GYG1: variants seen among roughly 807,000 people sequenced by gnomAD.
The protein encoded by GYG1 is glycogenin-1.
GYG1 carries 44 observed loss-of-function variants against 41.9 expected under a neutral mutation model. The ratio of observed to expected loss-of-function variants is 1.05; its 90% CI spans 0.83 to 1.35. GYG1 has a LOEUF of 1.35. Ranked by LOEUF, GYG1 falls within the 40% of genes most tolerant of loss-of-function variation. The pLI is 0.00. For missense variants in GYG1, 429 were observed against 418.9 expected, an observed-to-expected ratio of 1.02 and a Z score of -0.21; for synonymous variants, 141 against 158.1, an observed-to-expected ratio of 0.89 and a Z score of 0.81.
At position 149,031,429 on chromosome 3, in the gene GYG1, T is replaced by C. The variant is rs1411046222; in HGVS notation, c.*4496T>C. The stretch of plus-strand genomic sequence containing the variant: ...TACATAAATAAAAATTATCTATTTA[T>C]AGAAATATCTATTTAGCAGTTCCAT... On this transcript the variant is annotated 3_prime_UTR_variant, in exon 8 of 8. Transcript: ENST00000345003. 6.6e-6 allele frequency: 1 copy of C among 152,618 alleles called. No individual in the cohort carries two copies. The highest frequency in any genetic ancestry group is 1.5e-5 in the Non-Finnish European group (1 of 68,018). The allele number at this position is 152,618 out of a possible 1,614,324, so 9.5% of individuals were successfully genotyped here.
At chr3:148,996,626 G>A in intron 3 of GYG1, 116 bp from the exon 4 acceptor site, 1 of 1,179,570 alleles carries the variant, frequency 8.5e-7, no homozygotes, top group East Asian at 2.3e-5. Context: ...AGGAGAGGAG[G>A]CCCAGGCTGC....
In GYG1 at chr3:149,009,262, T is replaced by A. The variant is rs1365158355; in HGVS notation, c.482-14T>A. 2 of 1,597,244 alleles carry A rather than the reference T, an allele frequency of 1.3e-6. No homozygotes were observed. The highest frequency in any genetic ancestry group is 1.3e-5 in the African/African-American group (1 of 74,558). On this transcript the variant is annotated splice_polypyrimidine_tract_variant and intron_variant, in intron 4 of 7. Transcript: ENST00000345003. ...AGAGATCTGTTAACTAATTTATATA[T>A]TTTTTTCTTTTAGGTGGGGACCAAG... is the stretch of plus-strand genomic sequence containing the variant.
rs538764210 is a variant in GYG1 at position 149,030,768 on chromosome 3, G to T, written c.*3835G>T. The stretch of plus-strand genomic sequence containing the variant: ...ATCAGCCCTTTCCTTACCTGCTACT[G>T]CCTCAAAAAGGGACCAGGAAGATTC... On this transcript the variant is annotated 3_prime_UTR_variant, in exon 8 of 8. Transcript: ENST00000345003. The T allele has an allele frequency of 2.6e-5, 4 of 152,222 alleles. No homozygotes were observed. In the South Asian group the frequency reaches 8.3e-4, roughly 32 times the overall value. 9.4% of individuals were successfully genotyped at this position (152,222 alleles called of 1,614,324 possible).
intron 4 of GYG1, among the ~76,000 whole-genome samples, chr3:149,005,722 T>C (rs1488829870): frequency 2.0e-5 from 3 of 152,212 alleles, no homozygotes; most frequent in African/African-American, 7.2e-5. Context: ...TAATTCCTGA[T>C]TGTATTTTGC....
At chr3:148,999,780 G>T (rs1712993711) in intron 4 of GYG1, among the ~76,000 whole-genome samples, 1 of 152,128 alleles carries the variant, frequency 6.6e-6, no homozygotes, top group African/African-American at 2.4e-5. Flanking sequence ...TGTGCTGTAG[G>T]CACTGATGAA....
At chr3:149,005,726 A>G (rs560841240) in intron 4 of GYG1, among the ~76,000 whole-genome samples, 1 of 152,152 alleles carries the variant, frequency 6.6e-6, no homozygotes, top group Non-Finnish European at 1.5e-5. Context: ...TCCTGATTGT[A>G]TTTTGCACAT....
At chr3:149,026,700 C>T in intron 7 of GYG1, 60 bp from the exon 8 acceptor site, 1 of 1,280,244 alleles carries the variant, frequency 7.8e-7, no homozygotes, top group Non-Finnish European at 1.1e-6. Context: ...CAATTTATTG[C>T]ATTCTTTAAA....
chr3:149,009,296 AACAC>A lies in GYG1; in HGVS notation c.504_507del (p.Thr169PhefsTer20). ...TTTAGGTGGGGACCAAGGCATACTG[AACAC>A]ATTTTTTAGCAGCTGGGCAACAACA... On this transcript the variant is annotated frameshift_variant, in exon 5 of 8. Transcript: ENST00000345003. LOFTEE classifies it high-confidence loss of function. 1 of 1,613,040 alleles carries A rather than the reference AACAC, an allele frequency of 6.2e-7. No individual in the cohort carries two copies. The highest frequency in any genetic ancestry group is 1.1e-5 in the South Asian group (1 of 91,062).
chr3:149,023,597 C>G (rs756588165), intron 5 of GYG1, among the ~76,000 whole-genome samples: 2 of 152,154 alleles, frequency 1.3e-5, no homozygotes, highest in Non-Finnish European at 2.9e-5. Context: ...TGAACCGATG[C>G]TACATTTACA....
Position 149,021,712 on chromosome 3 carries a change from GGTCTCCAAATATA to G in GYG1, c.609-2338_609-2326del, listed in dbSNP as rs1490109312. On this transcript the variant is annotated intron_variant, in intron 5 of 7. Transcript: ENST00000345003. ...TCCCCATCATGTCCTTAAAGAATTT[GGTCTCCAAATATA>G]GTAAACTCTGATGATAGCTTTTTAA... Among the ~76,000 whole-genome samples, 5 of 150,756 alleles carry G rather than the reference GGTCTCCAAATATA, an allele frequency of 3.3e-5. No homozygotes were observed. The East Asian group carries it at 9.7e-4, about 29-fold the overall frequency.
intron 2 of GYG1, among the ~76,000 whole-genome samples, chr3:148,994,735 T>C (rs1712691679): frequency 1.3e-5 from 2 of 152,276 alleles, no homozygotes; most frequent in Non-Finnish European, 2.9e-5. Context: ...TGCCAGTTGA[T>C]ATTTGTAAGC....
rs142318183 is a variant in GYG1, at chr3:149,009,395, T to G, written c.601T>G (p.Phe201Val). The change falls in exon 5 of 8, where the codon TTT (phenylalanine) becomes GTT (valine). Residue 201 changes from phenylalanine to valine, a missense_variant. Physicochemically the swap from Phe to Val is conservative, Grantham distance 50 (BLOSUM62 -1). Transcript: ENST00000345003. ...CTCTATATACTCCTACCTCCCGGCA[T>G]TTAAAGTGTAAGTGCAGATGGTTTA... is the stretch of plus-strand genomic sequence containing the variant. Reference protein sequence around the residue: ...SISIYSYLPAFKVFGASAKVV... With the variant: ...SISIYSYLPAVKVFGASAKVV... 36 of 1,613,516 alleles carry G rather than the reference T, an allele frequency of 2.2e-5. No homozygotes were observed. The African/African-American group carries it at 4.3e-4, about 19-fold the overall frequency.
At chr3:149,017,252 T>A (rs1480067836) in intron 5 of GYG1, among the ~76,000 whole-genome samples, 1 of 152,240 alleles carries the variant, frequency 6.6e-6, no homozygotes, top group Admixed American at 6.5e-5. Context: ...CTATGTCTTG[T>A]GATCTGGACG....
chr3:149,009,076 T>C (rs1713569594), intron 4 of GYG1, 200 bp from the exon 5 acceptor site: 1 of 515,574 alleles, frequency 1.9e-6, no homozygotes, highest in Non-Finnish European at 3.5e-6. Flanking sequence ...GGAGAATTGC[T>C]TGAACCCAGG....
intron 5 of GYG1, among the ~76,000 whole-genome samples, chr3:149,010,195 G>A (rs1713638020): frequency 6.6e-6 from 1 of 152,184 alleles, no homozygotes; most frequent in Non-Finnish European, 1.5e-5. Flanking sequence ...TATGTAAAAC[G>A]AGGAGGAAAA....
At chr3:149,002,747 G>A (rs896214642) in intron 4 of GYG1, among the ~76,000 whole-genome samples, 5 of 152,150 alleles carry the variant, frequency 3.3e-5, no homozygotes, top group African/African-American at 7.2e-5. Context: ...GTGTCCAGGC[G>A]CAGTGGCTCA....
At chr3:149,013,032 T>TGTGTG (rs61477065) in intron 5 of GYG1, among the ~76,000 whole-genome samples, 8 of 150,818 alleles carry the variant, frequency 5.3e-5, no homozygotes, top group Admixed American at 1.3e-4. Context: ...TGTGTGTGTG[T>TGTGTG]TTTATAGAGA....
At chr3:149,001,227 A>T (rs964477565) in intron 4 of GYG1, 3 of 152,150 alleles carry the variant, frequency 2.0e-5, no homozygotes, top group Non-Finnish European at 4.4e-5. Context: ...TCCCCCAGCC[A>T]CCCAAGCACT....
At position 149,028,867 on chromosome 3, in the gene GYG1, C is replaced by A. The variant is rs542995078; in HGVS notation, c.*1934C>A. ...TCCTGAGTAGCTGGGACTACAGGCA[C>A]GCACCACCACGCCCAGCTAAATTTT... On this transcript the variant is annotated 3_prime_UTR_variant, in exon 8 of 8. Coordinates refer to ENST00000345003, the MANE Select transcript of GYG1 (RefSeq NM_004130.4). Among the ~76,000 whole-genome samples the A allele has an allele frequency of 3.3e-5, 5 of 151,930 alleles. No individual in the cohort carries two copies. The highest frequency in any genetic ancestry group is 7.4e-5 in the Non-Finnish European group (5 of 67,980).
Sources: allele counts gnomAD v4.1 joint callset (sites outside exome capture counted in the v4.1 genomes callset), GRCh38; gene constraint gnomAD v4.1.1; transcripts MANE v1.5; gene names NCBI Gene and HGNC (gene_info 2026-07-23, HGNC 2026-07-21).